Variants in XYLB observed in about 807,000 individuals in gnomAD.
XYLB encodes xylulokinase.
XYLB carries 62 observed loss-of-function variants against 78.7 expected under a neutral mutation model. The ratio of observed to expected loss-of-function variants is 0.79; its 90% CI spans 0.64 to 0.97. The LOEUF (loss-of-function observed/expected upper bound fraction) is 0.97, where lower values mean the gene tolerates loss of function less well. Ranked by LOEUF, XYLB falls within the 50% of genes least tolerant of loss-of-function variation. The probability of loss-of-function intolerance (pLI) is 0.00; values close to 1 mark genes in which losing one functional copy is unlikely to be tolerated. For missense variants in XYLB, 687 were observed against 676.8 expected (o/e 1.02, Z -0.17); for synonymous variants, 245 against 247.4 (o/e 0.99, Z 0.09).
At chr3:38,358,309 T>TTTTGTG (rs1553650579) in intron 2 of XYLB, among the ~76,000 whole-genome samples, 2 of 54,918 alleles carry the variant, frequency 3.6e-5, no homozygotes, top group African/African-American at 1.4e-4. Context: ...CAGTTTTGTT[T>TTTTGTG]TGTGTGTGTG....
chr3:38,347,002 A>T (rs1705099004), intron 1 of XYLB, 77 bp downstream of exon 1: 1 of 1,301,314 alleles, frequency 7.7e-7, no homozygotes, highest in Non-Finnish European at 9.9e-7. Context: ...TGTCACCCGG[A>T]CGCGGGAAAA....
At chr3:38,376,824 T>C in intron 13 of XYLB, 94 bp from the exon 14 acceptor site, 1 of 1,015,296 alleles carries the variant, frequency 9.8e-7, no homozygotes, top group Non-Finnish European at 1.5e-6. Flanking sequence ...GACCCAGGGA[T>C]ATGGGGTCAT....
chr3:38,370,785 G>A (rs141768480), intron 9 of XYLB, among the ~76,000 whole-genome samples: 1,547 of 152,286 alleles, frequency 0.01, 15 homozygotes, highest in Middle Eastern at 0.075. Flanking sequence ...CATCACAGCG[G>A]CCCCACCCAT....
At chr3:38,400,830 GT>G in intron 17 of XYLB, 60 bp from the exon 18 acceptor site, 2 of 1,449,642 alleles carry the variant, frequency 1.4e-6, no homozygotes, top group Non-Finnish European at 1.9e-6. Flanking sequence ...CCTTCGTGGT[GT>G]TTTTGGTTAA....
At chr3:38,403,609 C>G (rs894121394) in intron 18 of XYLB, among the ~76,000 whole-genome samples, 1 of 152,158 alleles carries the variant, frequency 6.6e-6, no homozygotes, top group African/African-American at 2.4e-5. Flanking sequence ...CCTATCCCTC[C>G]CCTATCCCAC....
chr3:38,374,688 C>G (rs775032989), intron 11 of XYLB, among the ~76,000 whole-genome samples, 186 bp downstream of exon 11: 1 of 152,006 alleles, frequency 6.6e-6, no homozygotes, highest in African/African-American at 2.4e-5. Flanking sequence ...GGGATGGGGG[C>G]GCACATCTTT....
intron 17 of XYLB, among the ~76,000 whole-genome samples, chr3:38,398,808 A>G (rs1575526701): frequency 6.7e-6 from 1 of 150,070 alleles, no homozygotes; most frequent in Admixed American, 6.6e-5. Flanking sequence ...GCGGATTATG[A>G]GGTCAGGAGA....
the XYLB span, among the ~76,000 whole-genome samples, chr3:38,437,168 T>C: frequency 5.9e-5 from 9 of 151,988 alleles, no homozygotes; most frequent in African/African-American, 2.2e-4. Context: ...GGACAAAAAC[T>C]GTATGATGAA....
chr3:38,442,804 C>A, the XYLB span, among the ~76,000 whole-genome samples: 1 of 145,496 alleles, frequency 6.9e-6, no homozygotes, highest in Non-Finnish European at 1.5e-5. Context: ...GAACTTCAGG[C>A]CTTAAGGGAT....
chr3:38,349,294 T>C (rs558607254), intron 2 of XYLB, among the ~76,000 whole-genome samples: 1 of 152,328 alleles, frequency 6.6e-6, no homozygotes, highest in South Asian at 2.1e-4. Context: ...CAGAGCTCCA[T>C]AGGCCATGGT....
At chr3:38,350,471 T>C (rs1705299998) in intron 2 of XYLB, among the ~76,000 whole-genome samples, 1 of 152,218 alleles carries the variant, frequency 6.6e-6, no homozygotes, top group Non-Finnish European at 1.5e-5. Context: ...TCTCTCTTTT[T>C]TTCTTTGGTT....
In XYLB at chr3:38,377,003, G is replaced by A. The variant is rs771310676; in HGVS notation, c.1194+12G>A. 15 of 1,610,754 alleles carry A rather than the reference G, an allele frequency of 9.3e-6. No homozygotes were observed. The highest frequency in any genetic ancestry group is 1.2e-5 in the Non-Finnish European group (14 of 1,177,776). ...CAGAAAACCACAAGGTACATGTGCT[G>A]TTGGTGTTGGAGTTACATTGGCTCC... On this transcript the variant is annotated intron_variant, in intron 14 of 18. Coordinates refer to ENST00000207870, the MANE Select transcript of XYLB (RefSeq NM_005108.4).
rs71085315 is a variant in XYLB at position 38,353,885 on chromosome 3, TAA to T, written c.140+5269_140+5270del. Among the ~76,000 whole-genome samples the T allele has an allele frequency of 5.2e-4, 63 of 122,012 alleles. 1 individual carries two copies. Among genetic ancestry groups the T allele is most frequent in the African/African-American group, 1.6e-3 (54 of 32,756 alleles). The allele number at this position is 122,012 out of a possible 152,430, so 80.0% of individuals were successfully genotyped here. On this transcript the variant is annotated intron_variant, in intron 2 of 18. Transcript: ENST00000207870. Reference sequence around the variant, plus strand: ...CTGGGTGACAAAGTGAGACTCCATATAAAAAAAAAAAAAAAAAGAAGTCCATC... The same window carrying T: ...CTGGGTGACAAAGTGAGACTCCATATAAAAAAAAAAAAAAAGAAGTCCATC...
chr3:38,447,015 A>G, the XYLB span, among the ~76,000 whole-genome samples: 1 of 152,254 alleles, frequency 6.6e-6, no homozygotes, highest in African/African-American at 2.4e-5. Flanking sequence ...TTTGCTAAGT[A>G]TTAATCCAAC....
downstream of XYLB, among the ~76,000 whole-genome samples, chr3:38,422,537 T>C (rs1012724253): frequency 1.3e-5 from 2 of 152,214 alleles, no homozygotes; most frequent in Admixed American, 1.3e-4. Flanking sequence ...GCCGTCTGTG[T>C]GGCCAATTCA....
At chr3:38,367,746 G>C (rs575606875) in intron 7 of XYLB, among the ~76,000 whole-genome samples, 1 of 152,316 alleles carries the variant, frequency 6.6e-6, no homozygotes, top group African/African-American at 2.4e-5. Context: ...GGCTTCTGAG[G>C]AGCCAGCTTT....
intron 17 of XYLB, among the ~76,000 whole-genome samples, chr3:38,398,082 T>A (rs1225443602): frequency 6.6e-6 from 1 of 151,780 alleles, no homozygotes; most frequent in Non-Finnish European, 1.5e-5. Context: ...CCTCCCAAAG[T>A]ACTGGGATTA....
In XYLB at chr3:38,365,726, GT is replaced by G; in HGVS notation, c.498del (p.Ala167ProfsTer53). The stretch of plus-strand genomic sequence containing the variant: ...GCTCTCAGCTGCCTCACGGGGTCCC[GT>G]GCCTATGAGGTAGGCTGAGGATGCG... ...AQALSCLTGS[R>X]AYERFTGNQI... On this transcript the variant is annotated frameshift_variant, in exon 6 of 19. Coordinates refer to ENST00000207870, the MANE Select transcript of XYLB (RefSeq NM_005108.4). LOFTEE classifies it high-confidence loss of function. The G allele has an allele frequency of 6.2e-7, 1 of 1,612,858 alleles. No homozygotes were observed. Among genetic ancestry groups the G allele is most frequent in the South Asian group, 1.1e-5 (1 of 90,934 alleles).
intron 15 of XYLB, among the ~76,000 whole-genome samples, chr3:38,380,035 A>G (rs993214730): frequency 6.6e-6 from 1 of 152,132 alleles, no homozygotes; most frequent in African/African-American, 2.4e-5. Context: ...GTGCTGGCTC[A>G]GGTCTCCCTT....
Sources: gnomAD v4.1 joint callset for allele counts (sites outside exome capture counted in the v4.1 genomes callset) on GRCh38, gnomAD v4.1.1 for gene constraint, MANE v1.5 for transcripts, NCBI Gene and HGNC (gene_info 2026-07-23, HGNC 2026-07-21) for gene names.